FARP2: variants seen among roughly 807,000 people sequenced by gnomAD.
FARP2 encodes the protein FERM, ARH/RhoGEF and pleckstrin domain protein 2.
FARP2 carries 111 observed loss-of-function variants against 130.5 expected under a neutral mutation model. The ratio of observed to expected loss-of-function variants is 0.85; its 90% CI spans 0.73 to 1.00. The LOEUF (loss-of-function observed/expected upper bound fraction) is 1.00. Among genes scored for constraint, FARP2 ranks in the 50% least tolerant of loss-of-function variants. The probability of loss-of-function intolerance (pLI) is 0.00; values close to 1 mark genes in which losing one functional copy is unlikely to be tolerated. For missense variants in FARP2, 1,385 were observed against 1,346.3 expected (o/e 1.03, Z -0.45); for synonymous variants, 504 against 516.9 (o/e 0.98, Z 0.34).
intron 26 of FARP2, 116 bp from the exon 27 acceptor site, chr2:241,493,892 C>G: frequency 3.2e-6 from 2 of 631,268 alleles, no homozygotes; most frequent in Non-Finnish European, 5.2e-6. Flanking sequence ...CCACCGCACC[C>G]GGCCCCAGGT....
At chr2:241,370,699 C>T (rs1031351602) in intron 1 of FARP2, among the ~76,000 whole-genome samples, 2 of 152,092 alleles carry the variant, frequency 1.3e-5, no homozygotes, top group African/African-American at 4.8e-5. Context: ...GTTGCAAAAA[C>T]GGTAATTTTG....
chr2:241,484,110 C>A, intron 20 of FARP2, 132 bp from the exon 21 acceptor site: 2 of 1,461,476 alleles, frequency 1.4e-6, no homozygotes, highest in Non-Finnish European at 9.1e-7. Flanking sequence ...TAAAAGTCCC[C>A]TTTCTGCCAA....
At chr2:241,407,137 T>A (rs1165497708) in intron 4 of FARP2, among the ~76,000 whole-genome samples, 4 of 152,166 alleles carry the variant, frequency 2.6e-5, no homozygotes, top group Non-Finnish European at 4.4e-5. Context: ...CCTTGAGTAA[T>A]CCCTGCTGAA....
chr2:241,417,948 A>G lies in FARP2; in HGVS notation c.624-14A>G, dbSNP rs2150372843. ...AGTGTTTGTAGTGTATGATTCTACCATTTTTTATTACAGGGGCCAGACACC... is the reference window on the plus strand; with the variant it reads ...AGTGTTTGTAGTGTATGATTCTACCGTTTTTTATTACAGGGGCCAGACACC... On this transcript the variant is annotated splice_polypyrimidine_tract_variant and intron_variant, in intron 7 of 26. Transcript: ENST00000264042. The G allele has an allele frequency of 6.2e-7, 1 of 1,613,980 alleles. No homozygotes were observed. Among genetic ancestry groups the G allele is most frequent in the Non-Finnish European group, 8.5e-7 (1 of 1,179,928 alleles).
chr2:241,366,125 A>ATATATATACATATATATATATATATACG (rs747717812), intron 1 of FARP2, among the ~76,000 whole-genome samples: 2 of 67,368 alleles, frequency 3.0e-5, no homozygotes, highest in East Asian at 1.0e-3. Context: ...ATATATACGT[A>ATATATATACATATATATATATATATACG]TATATATATA....
chr2:241,485,043 AT>A (rs1215245870), intron 21 of FARP2, among the ~76,000 whole-genome samples: 1 of 152,078 alleles, frequency 6.6e-6, no homozygotes, highest in Non-Finnish European at 1.5e-5. Context: ...GCTCTGCCCT[AT>A]CCCTCTTGGC....
chr2:241,457,079 T>C (rs1477006762), intron 14 of FARP2, among the ~76,000 whole-genome samples, 157 bp downstream of exon 14: 2 of 152,236 alleles, frequency 1.3e-5, no homozygotes, highest in African/African-American at 4.8e-5. Flanking sequence ...GAGGAGGTAC[T>C]GGGCCGCCTT....
intron 8 of FARP2, among the ~76,000 whole-genome samples, chr2:241,425,719 C>G (rs970560519): frequency 2.1e-5 from 3 of 140,170 alleles, no homozygotes; most frequent in African/African-American, 5.2e-5. Flanking sequence ...CAAAGAAGAG[C>G]TGGTACAATT....
intron 16 of FARP2, 26 bp downstream of exon 16, chr2:241,463,494 G>A (rs372688630): frequency 2.2e-5 from 36 of 1,607,560 alleles, no homozygotes; most frequent in Non-Finnish European, 3.0e-5. Flanking sequence ...CCCCCACACG[G>A]GAGACTCCCA....
At position 241,463,349 on chromosome 2, in the gene FARP2, A is replaced by G. The variant is rs2064076986; in HGVS notation, c.1692A>G (p.Ala564=). 6.2e-7 allele frequency: 1 copy of G among 1,614,118 alleles called. No individual in the cohort carries two copies. Among genetic ancestry groups the G allele is most frequent in the Non-Finnish European group, 8.5e-7 (1 of 1,179,994 alleles). Reference sequence around the variant, plus strand: ...TCTTCCCACAGTGGTTCCGCAGCGCAGTGGTGAAGGAGGACGCCATGCCTG... The same window carrying G: ...TCTTCCCACAGTGGTTCCGCAGCGCGGTGGTGAAGGAGGACGCCATGCCTG... ...LEVITVWFRS[A]VVKEDAMPAT... is the part of the protein sequence containing the mutation. The change falls in exon 16 of 27, where the codon GCA becomes GCG. Residue 564 remains alanine, a synonymous_variant. Transcript: ENST00000264042.
chr2:241,437,134 G>C (rs1357932706), intron 12 of FARP2, among the ~76,000 whole-genome samples: 1 of 152,214 alleles, frequency 6.6e-6, no homozygotes, highest in Non-Finnish European at 1.5e-5. Flanking sequence ...TTTGTTAACT[G>C]CTGAAAGCAT....
At chr2:241,492,308 G>C (rs1216361885) in intron 24 of FARP2, among the ~76,000 whole-genome samples, 1 of 152,244 alleles carries the variant, frequency 6.6e-6, no homozygotes, top group East Asian at 1.9e-4. Context: ...GGGTAGGTCA[G>C]GGTGCAGCAG....
At chr2:241,422,445 C>T (rs1193784388) in intron 8 of FARP2, among the ~76,000 whole-genome samples, 1 of 151,360 alleles carries the variant, frequency 6.6e-6, no homozygotes, top group Non-Finnish European at 1.5e-5. Context: ...ACCAAAAAAC[C>T]CATAAAAGCC....
chr2:241,446,560 G>A (rs1010711336), intron 13 of FARP2: 1 of 152,200 alleles, frequency 6.6e-6, no homozygotes. Flanking sequence ...CATAGCATGT[G>A]TGTTCCCAGC....
intron 1 of FARP2, among the ~76,000 whole-genome samples, chr2:241,362,973 C>T (rs1484650350): frequency 6.6e-6 from 1 of 152,220 alleles, no homozygotes; most frequent in East Asian, 1.9e-4. Flanking sequence ...TCCATCTTGC[C>T]TCTCCCACTG....
intron 16 of FARP2, 105 bp from the exon 17 acceptor site, chr2:241,463,794 A>G: frequency 2.0e-6 from 2 of 1,004,816 alleles, no homozygotes; most frequent in Non-Finnish European, 3.1e-6. Flanking sequence ...GAGCTTCACC[A>G]CCTTCCTCCA....
At chr2:241,433,613 T>C (rs2063145935) in intron 9 of FARP2, among the ~76,000 whole-genome samples, 2 of 152,216 alleles carry the variant, frequency 1.3e-5, no homozygotes, top group South Asian at 2.1e-4. Context: ...AGAATGTTGA[T>C]AGTTGTGTGA....
At chr2:241,381,736 CT>C (rs1387593947) in intron 2 of FARP2, among the ~76,000 whole-genome samples, 6 of 152,150 alleles carry the variant, frequency 3.9e-5, no homozygotes, top group Admixed American at 6.5e-5. Flanking sequence ...GTGCATTCTA[CT>C]TTTTTACCTT....
At chr2:241,434,530 T>A (rs2063170178) in intron 10 of FARP2, among the ~76,000 whole-genome samples, 2 of 152,202 alleles carry the variant, frequency 1.3e-5, no homozygotes, top group Non-Finnish European at 2.9e-5. Flanking sequence ...ACAAATTCAG[T>A]TACGCTTACT....
Sources: gnomAD v4.1 joint callset for allele counts (sites outside exome capture counted in the v4.1 genomes callset) on GRCh38, gnomAD v4.1.1 for gene constraint, MANE v1.5 for transcripts, NCBI Gene and HGNC (gene_info 2026-07-23, HGNC 2026-07-21) for gene names.